The following PTPRM variants were observed in gnomAD, a reference collection of about 807,000 sequenced individuals.
The protein encoded by PTPRM is protein tyrosine phosphatase receptor type M.
In PTPRM, 47 loss-of-function variants were observed where a neutral mutation model predicts 186.7. That is an observed-to-expected ratio of 0.25 (90% CI 0.20 to 0.32). The LOEUF (loss-of-function observed/expected upper bound fraction) is 0.32. Among genes scored for constraint, PTPRM ranks in the 10% least tolerant of loss-of-function variants. The pLI is 1.00. For synonymous variants in PTPRM, 668 were observed against 674.9 expected (o/e 0.99, Z 0.16); for missense variants, 1,494 against 1,865.0 (o/e 0.80, Z 3.66).
intron 1 of PTPRM, among the ~76,000 whole-genome samples, chr18:7,606,348 A>G (rs955091872): frequency 2.1e-4 from 32 of 152,114 alleles, no homozygotes; most frequent in African/African-American, 7.0e-4. Flanking sequence ...AGTGGCTTCC[A>G]TGGCTGTGAT....
chr18:8,032,482 A>G (rs935953306), intron 7 of PTPRM, among the ~76,000 whole-genome samples: 11 of 152,186 alleles, frequency 7.2e-5, no homozygotes, highest in African/African-American at 2.2e-4. Flanking sequence ...AAATCTAACT[A>G]GAAATACTAC....
intron 7 of PTPRM, among the ~76,000 whole-genome samples, chr18:7,999,830 A>T (rs1175964055): frequency 1.3e-5 from 2 of 152,104 alleles, no homozygotes; most frequent in African/African-American, 4.8e-5. Flanking sequence ...AAGATTTATT[A>T]TAAGGAATTG....
intron 7 of PTPRM, among the ~76,000 whole-genome samples, chr18:8,061,821 A>G (rs1339966406): frequency 8.9e-4 from 87 of 97,742 alleles, no homozygotes; most frequent in African/African-American, 3.7e-3. Context: ...TTCTGCCGAG[A>G]GATCCGCTGT....
chr18:8,316,510 A>G (rs921596174), intron 21 of PTPRM, among the ~76,000 whole-genome samples: 1 of 152,174 alleles, frequency 6.6e-6, no homozygotes, highest in Non-Finnish European at 1.5e-5. Context: ...GTATTTTAAG[A>G]GAGAAGAGCC....
intron 7 of PTPRM, among the ~76,000 whole-genome samples, chr18:7,995,938 G>A (rs1026741683): frequency 1.3e-5 from 2 of 152,090 alleles, no homozygotes; most frequent in African/African-American, 4.8e-5. Context: ...TGTGGGGTGG[G>A]CTGCTTGGTC....
chr18:8,118,854 T>C (rs186018954), intron 13 of PTPRM, among the ~76,000 whole-genome samples: 444 of 149,382 alleles, frequency 3.0e-3, no homozygotes, highest in Non-Finnish European at 5.0e-3. Context: ...CATGGGCTTT[T>C]TTTTTTAAGC....
intron 7 of PTPRM, among the ~76,000 whole-genome samples, chr18:8,061,358 G>C (rs1359919101): frequency 2.2e-5 from 3 of 138,774 alleles, no homozygotes; most frequent in Non-Finnish European, 4.6e-5. Context: ...GTCTCTGCAC[G>C]TGAGATGGGT....
chr18:8,354,470 G>A (rs374047259), intron 23 of PTPRM, among the ~76,000 whole-genome samples: 18 of 152,304 alleles, frequency 1.2e-4, no homozygotes, highest in Admixed American at 7.2e-4. Context: ...ACCAGGTCAC[G>A]AGCTACAGAA....
At chr18:7,671,868 A>G (rs895980173) in intron 1 of PTPRM, among the ~76,000 whole-genome samples, 8 of 152,198 alleles carry the variant, frequency 5.3e-5, no homozygotes, top group African/African-American at 1.7e-4. Context: ...CTAAAAATGT[A>G]CAAGTGGTAG....
chr18:7,960,033 A>C (rs2053559899), intron 7 of PTPRM, among the ~76,000 whole-genome samples: 1 of 152,220 alleles, frequency 6.6e-6, no homozygotes, highest in African/African-American at 2.4e-5. Context: ...AATAGTAGCT[A>C]CTTGAAACAG....
intron 20 of PTPRM, among the ~76,000 whole-genome samples, chr18:8,296,776 T>C (rs1403342756): frequency 6.6e-6 from 1 of 152,124 alleles, no homozygotes; most frequent in African/African-American, 2.4e-5. Context: ...TACGTGAGAA[T>C]GAATGGAAAT....
intron 2 of PTPRM, among the ~76,000 whole-genome samples, chr18:7,794,010 G>C (rs976666752): frequency 1.3e-5 from 2 of 152,180 alleles, no homozygotes; most frequent in Admixed American, 1.3e-4. Flanking sequence ...GTTAGCCTGG[G>C]GCAGTTGGAG....
At chr18:8,043,833 C>G in intron 7 of PTPRM, among the ~76,000 whole-genome samples, 1 of 151,898 alleles carries the variant, frequency 6.6e-6, no homozygotes, top group East Asian at 1.9e-4. Context: ...GGGGAGGGGG[C>G]GAGCTGGGTC....
At chr18:8,014,837 C>T (rs1600078453) in intron 7 of PTPRM, among the ~76,000 whole-genome samples, 3 of 152,084 alleles carry the variant, frequency 2.0e-5, no homozygotes, top group Non-Finnish European at 4.4e-5. Flanking sequence ...TGTAATAGCT[C>T]ATTCTTTAAG....
At chr18:8,100,230 C>A (rs2091230333) in intron 11 of PTPRM, among the ~76,000 whole-genome samples, 1 of 152,042 alleles carries the variant, frequency 6.6e-6, no homozygotes, top group African/African-American at 2.4e-5. Flanking sequence ...CCTCTGCCTC[C>A]CCGGTTCAAG....
intron 14 of PTPRM, among the ~76,000 whole-genome samples, chr18:8,217,889 A>G (rs2094108951): frequency 6.6e-6 from 1 of 152,290 alleles, no homozygotes; most frequent in East Asian, 1.9e-4. Flanking sequence ...AACCATTAAC[A>G]TGGTATCAGG....
chr18:7,618,223 A>T (rs1047428671), intron 1 of PTPRM, among the ~76,000 whole-genome samples: 1 of 152,240 alleles, frequency 6.6e-6, no homozygotes, highest in Non-Finnish European at 1.5e-5. Context: ...TAGACCGTTG[A>T]ATGAAACACT....
At chr18:7,661,158 T>C (rs1034224184) in intron 1 of PTPRM, among the ~76,000 whole-genome samples, 5 of 152,226 alleles carry the variant, frequency 3.3e-5, no homozygotes, top group South Asian at 4.1e-4. Flanking sequence ...TTTACAGATT[T>C]TTTTAAAAGC....
chr18:7,693,622 T>G (rs1293796573), intron 1 of PTPRM, among the ~76,000 whole-genome samples: 1 of 152,172 alleles, frequency 6.6e-6, no homozygotes, highest in Non-Finnish European at 1.5e-5. Flanking sequence ...CAAGTCCCAC[T>G]TAGGTTCTTG....
Sources: allele counts gnomAD v4.1 joint callset (sites outside exome capture counted in the v4.1 genomes callset), GRCh38; gene constraint gnomAD v4.1.1; transcripts MANE v1.5; gene names NCBI Gene and HGNC (gene_info 2026-07-23, HGNC 2026-07-21).